Variants in SLC44A5 observed in about 807,000 individuals in gnomAD.
SLC44A5 encodes the protein solute carrier family 44 member 5.
A neutral mutation model predicts 101.8 loss-of-function variants in SLC44A5; 57 were observed. The observed-to-expected ratio is 0.56, with a 90% CI of 0.45 to 0.70. The LOEUF is 0.70. Among genes scored for constraint, SLC44A5 ranks in the 30% least tolerant of loss-of-function variants. SLC44A5 has a pLI of 0.00. For synonymous variants in SLC44A5, 281 were observed against 290.9 expected (o/e 0.97, Z 0.35); for missense variants, 737 against 853.1 (o/e 0.86, Z 1.70).
intron 2 of SLC44A5, among the ~76,000 whole-genome samples, chr1:75,484,645 C>T (rs1668058730): frequency 6.6e-6 from 1 of 152,182 alleles, no homozygotes. Flanking sequence ...CTCCCCTAGG[C>T]AACATTGCCC....
At chr1:75,558,668 TCAA>T (rs1332510283) in intron 1 of SLC44A5, among the ~76,000 whole-genome samples, 1 of 152,108 alleles carries the variant, frequency 6.6e-6, no homozygotes, top group Non-Finnish European at 1.5e-5. Context: ...ATTTTCTTTA[TCAA>T]CAACAACTTT....
chr1:75,297,839 T>C (rs1228597901), intron 5 of SLC44A5, among the ~76,000 whole-genome samples: 2 of 152,206 alleles, frequency 1.3e-5, no homozygotes, highest in African/African-American at 2.4e-5. Flanking sequence ...GGTTCTGTTG[T>C]TCATCAATCA....
In SLC44A5 at chr1:75,477,035, C is replaced by T. The variant is rs533319423; in HGVS notation, c.13+64400G>A. Among the ~76,000 whole-genome samples, 30 of 152,246 alleles carry T rather than the reference C, an allele frequency of 2.0e-4. No individual in the cohort carries two copies. In the South Asian group the frequency reaches 2.5e-3, roughly 13 times the overall value. On this transcript the variant is annotated intron_variant, in intron 2 of 23. Transcript: ENST00000370859. ...GGGCAGACTGACACCTCACAGGACCCGGTACTCCTCTGAGACAAAACTTCC... is the reference window on the plus strand; with the variant it reads ...GGGCAGACTGACACCTCACAGGACCTGGTACTCCTCTGAGACAAAACTTCC...
chr1:75,444,354 AAGGGAGGG>A (rs141035503), intron 2 of SLC44A5, among the ~76,000 whole-genome samples: 1 of 131,048 alleles, frequency 7.6e-6, no homozygotes, highest in Non-Finnish European at 1.6e-5. Flanking sequence ...GGAAGGAAGG[AAGGGAGGG>A]AGGGAGGGAG....
intron 1 of SLC44A5, among the ~76,000 whole-genome samples, chr1:75,543,442 T>C (rs1182825348): frequency 6.6e-6 from 1 of 151,900 alleles, no homozygotes; most frequent in Non-Finnish European, 1.5e-5. Context: ...CTGCTAACTT[T>C]TTCTCCATGT....
At chr1:75,583,561 G>A (rs533072648) in intron 1 of SLC44A5, among the ~76,000 whole-genome samples, 1 of 152,294 alleles carries the variant, frequency 6.6e-6, no homozygotes, top group South Asian at 2.1e-4. Context: ...GTCAAGGGCA[G>A]CTCTACTTTG....
At chr1:75,486,269 A>C (rs1668143835) in intron 2 of SLC44A5, among the ~76,000 whole-genome samples, 1 of 152,206 alleles carries the variant, frequency 6.6e-6, no homozygotes, top group Non-Finnish European at 1.5e-5. Flanking sequence ...AAATTATTTC[A>C]CACCTAAGTT....
intron 12 of SLC44A5, among the ~76,000 whole-genome samples, chr1:75,233,058 C>T (rs1647734164): frequency 6.6e-6 from 1 of 152,054 alleles, no homozygotes; most frequent in Admixed American, 6.6e-5. Flanking sequence ...TTGGCTCATA[C>T]CTTTTTTAGA....
At chr1:75,221,562 G>T (rs1447435896) in intron 14 of SLC44A5, among the ~76,000 whole-genome samples, 1 of 152,114 alleles carries the variant, frequency 6.6e-6, no homozygotes, top group Non-Finnish European at 1.5e-5. Flanking sequence ...AGAATCAATT[G>T]TCCTGTCTAT....
intron 2 of SLC44A5, among the ~76,000 whole-genome samples, chr1:75,531,447 C>T (rs768626893): frequency 6.6e-6 from 1 of 152,144 alleles, no homozygotes; most frequent in South Asian, 2.1e-4. Flanking sequence ...CCTAGGGCTA[C>T]CCTATAAGGT....
chr1:75,210,205 C>T (rs1004798298), intron 23 of SLC44A5, among the ~76,000 whole-genome samples: 2 of 151,390 alleles, frequency 1.3e-5, no homozygotes, highest in African/African-American at 4.9e-5. Flanking sequence ...TGCTACCGTG[C>T]CTGGCTAATT....
intron 3 of SLC44A5, among the ~76,000 whole-genome samples, chr1:75,365,522 A>C (rs1778449): frequency 0.63 from 95,517 of 152,064 alleles, 31,713 homozygotes; most frequent in East Asian, 0.96. Flanking sequence ...CTCAACCCAG[A>C]AATCCCATTA....
intron 1 of SLC44A5, among the ~76,000 whole-genome samples, chr1:75,606,684 T>C (rs960195631): frequency 1.3e-5 from 2 of 152,012 alleles, no homozygotes; most frequent in African/African-American, 4.8e-5. Flanking sequence ...CTGGGCTGTC[T>C]TTGACTTTCA....
At chr1:75,353,438 T>G (rs558788326) in intron 3 of SLC44A5, among the ~76,000 whole-genome samples, 86 of 152,302 alleles carry the variant, frequency 5.6e-4, no homozygotes, top group African/African-American at 2.1e-3. Flanking sequence ...GAGTCAACTT[T>G]AAGAGGGCAG....
chr1:75,481,409 C>T (rs1451618753), intron 2 of SLC44A5, among the ~76,000 whole-genome samples: 1 of 152,132 alleles, frequency 6.6e-6, no homozygotes, highest in African/African-American at 2.4e-5. Context: ...CAAATGGGAT[C>T]TAGTTAAACT....
the SLC44A5 span, among the ~76,000 whole-genome samples, chr1:75,707,940 T>G: frequency 1.3e-5 from 2 of 152,236 alleles, no homozygotes; most frequent in Admixed American, 1.3e-4. Flanking sequence ...TGGGAAGAAA[T>G]TGCTATTGAT....
At chr1:75,219,972 G>A (rs545913812) in intron 14 of SLC44A5, 80 bp from the exon 15 acceptor site, 1 of 811,086 alleles carries the variant, frequency 1.2e-6, no homozygotes, top group Non-Finnish European at 1.9e-6. Context: ...AAGAAAACTG[G>A]TAATAACCAC....
chr1:75,656,415 A>G, the SLC44A5 span, among the ~76,000 whole-genome samples: 2 of 152,240 alleles, frequency 1.3e-5, no homozygotes, highest in East Asian at 3.8e-4. Flanking sequence ...TAGTATAAAG[A>G]CTGAAAAGCA....
At chr1:75,287,881 C>G (rs1452549251) in intron 5 of SLC44A5, among the ~76,000 whole-genome samples, 1 of 152,102 alleles carries the variant, frequency 6.6e-6, no homozygotes, top group African/African-American at 2.4e-5. Context: ...CTGTGAGGGT[C>G]CTTGGTTGTA....
Sources: gnomAD v4.1 joint callset for allele counts (sites outside exome capture counted in the v4.1 genomes callset) on GRCh38, gnomAD v4.1.1 for gene constraint, MANE v1.5 for transcripts, NCBI Gene and HGNC (gene_info 2026-07-23, HGNC 2026-07-21) for gene names.